Variants in PCDH15 observed in about 807,000 individuals in gnomAD.
PCDH15 encodes the protein protocadherin-15.
PCDH15 carries 129 observed loss-of-function variants against 178.5 expected under a neutral mutation model. The observed-to-expected ratio is 0.72, with a 90% CI of 0.63 to 0.84. The LOEUF is 0.84. Ranked by LOEUF, PCDH15 falls within the 40% of genes least tolerant of loss-of-function variation. The pLI is 0.00. For missense variants in PCDH15, 2,230 were observed against 2,099.9 expected (o/e 1.06, Z -1.21); for synonymous variants, 800 against 732.0 (o/e 1.09, Z -1.50).
chr10:54,141,316 C>T (rs1393491276), intron 14 of PCDH15, among the ~76,000 whole-genome samples: 1 of 151,924 alleles, frequency 6.6e-6, no homozygotes, highest in East Asian at 1.9e-4. Flanking sequence ...TTTTTCTTAC[C>T]TCTGAGTATA....
chr10:55,612,672 A>G (rs2132161286), intron 2 of PCDH15, among the ~76,000 whole-genome samples: 1 of 152,298 alleles, frequency 6.6e-6, no homozygotes, highest in Non-Finnish European at 1.5e-5. Context: ...AAAGTAGCAA[A>G]ACATAAGTAT....
intron 2 of PCDH15, among the ~76,000 whole-genome samples, chr10:55,599,058 C>T (rs1488395005): frequency 6.6e-6 from 1 of 152,092 alleles, no homozygotes; most frequent in Non-Finnish European, 1.5e-5. Flanking sequence ...AGATATAGTA[C>T]CGTAAGGGAA....
intron 1 of PCDH15, among the ~76,000 whole-genome samples, chr10:54,751,287 A>T (rs1287559538): frequency 1.3e-5 from 2 of 152,108 alleles, no homozygotes; most frequent in African/African-American, 2.4e-5. Flanking sequence ...ATTTTGACTG[A>T]CGTATTTCAC....
chr10:55,073,418 A>T (rs1841801963), intron 2 of PCDH15, among the ~76,000 whole-genome samples: 1 of 152,188 alleles, frequency 6.6e-6, no homozygotes, highest in Admixed American at 6.5e-5. Context: ...ATACAAAATC[A>T]ATGTACAAAA....
At chr10:54,439,975 C>A (rs1324685049) in intron 3 of PCDH15, among the ~76,000 whole-genome samples, 2 of 151,956 alleles carry the variant, frequency 1.3e-5, no homozygotes, top group Non-Finnish European at 2.9e-5. Flanking sequence ...TTCCACCTTG[C>A]AACATAAAAC....
intron 3 of PCDH15, among the ~76,000 whole-genome samples, chr10:54,450,467 A>T (rs28531712): frequency 0.013 from 1,937 of 151,688 alleles, 36 homozygotes; most frequent in African/African-American, 0.045. Context: ...ATTTAGCTCA[A>T]CTTTTTATTT....
At chr10:54,747,145 A>G (rs565601382) in intron 1 of PCDH15, among the ~76,000 whole-genome samples, 1 of 152,332 alleles carries the variant, frequency 6.6e-6, no homozygotes, top group South Asian at 2.1e-4. Context: ...GAAATAAAGC[A>G]ATTGTTTAGA....
chr10:53,865,750 A>G (rs60093528), intron 27 of PCDH15, among the ~76,000 whole-genome samples: 119,778 of 151,626 alleles, frequency 0.79, 48,439 homozygotes, highest in East Asian at 1. Context: ...AAGAAAAATA[A>G]AGCATTGATG....
At chr10:54,514,158 CTA>C (rs2137873852) in intron 3 of PCDH15, among the ~76,000 whole-genome samples, 1 of 152,262 alleles carries the variant, frequency 6.6e-6, no homozygotes, top group East Asian at 1.9e-4. Flanking sequence ...AATGTTAGTG[CTA>C]TCTCTGAACA....
At chr10:55,091,862 A>C (rs925498165) in intron 2 of PCDH15, among the ~76,000 whole-genome samples, 2 of 151,926 alleles carry the variant, frequency 1.3e-5, no homozygotes, top group Non-Finnish European at 2.9e-5. Flanking sequence ...CAAACAAAAA[A>C]CATTTATTAG....
intron 2 of PCDH15, among the ~76,000 whole-genome samples, chr10:55,582,393 AT>A (rs1258309539): frequency 1.3e-5 from 2 of 152,022 alleles, no homozygotes; most frequent in African/African-American, 4.8e-5. Flanking sequence ...TTCTTGAGTT[AT>A]AAAAGAAAGG....
At chr10:54,801,254 G>A (rs879410029), upstream of PCDH15, 1 of 152,200 alleles carries the variant, frequency 6.6e-6, no homozygotes, top group African/African-American at 2.4e-5. Flanking sequence ...GCAGGAATCT[G>A]TCTGCCCTCT....
chr10:55,002,099 C>A (rs1839807577), intron 2 of PCDH15, among the ~76,000 whole-genome samples: 1 of 152,062 alleles, frequency 6.6e-6, no homozygotes, highest in South Asian at 2.1e-4. Flanking sequence ...AGTACTGTAC[C>A]TAGAAACTGA....
At chr10:55,098,455 A>G (rs892424004) in intron 2 of PCDH15, among the ~76,000 whole-genome samples, 1 of 152,162 alleles carries the variant, frequency 6.6e-6, no homozygotes, top group African/African-American at 2.4e-5. Context: ...AGCCTGTGAA[A>G]TCCAGCTGCA....
chr10:54,653,392 A>G (rs923598079), intron 2 of PCDH15, among the ~76,000 whole-genome samples: 13 of 152,212 alleles, frequency 8.5e-5, no homozygotes, highest in African/African-American at 3.1e-4. Context: ...CCACAGAGCT[A>G]CAGAGTTTTG....
chr10:54,317,535 G>C, intron 7 of PCDH15, 94 bp from the exon 8 acceptor site: 2 of 1,445,294 alleles, frequency 1.4e-6, no homozygotes, highest in Non-Finnish European at 1.9e-6. Context: ...AGAACTTTGG[G>C]AGGCCAAGGT....
At chr10:55,489,106 T>C (rs766829120) in intron 2 of PCDH15, among the ~76,000 whole-genome samples, 1 of 151,520 alleles carries the variant, frequency 6.6e-6, no homozygotes, top group East Asian at 1.9e-4. Flanking sequence ...AAGAGACATA[T>C]ACAACTTGAA....
chr10:54,436,676 A>G (rs529845665), intron 3 of PCDH15, among the ~76,000 whole-genome samples: 1 of 152,284 alleles, frequency 6.6e-6, no homozygotes, highest in African/African-American at 2.4e-5. Context: ...TACACACCAA[A>G]TATGCTACAA....
intron 17 of PCDH15, among the ~76,000 whole-genome samples, chr10:54,074,124 G>C (rs1043940303): frequency 6.6e-6 from 1 of 152,190 alleles, no homozygotes; most frequent in African/African-American, 2.4e-5. Context: ...AAAATAGCCA[G>C]CAGGCATCCT....
Sources: gnomAD v4.1 joint callset for allele counts (sites outside exome capture counted in the v4.1 genomes callset) on GRCh38, gnomAD v4.1.1 for gene constraint, MANE v1.5 for transcripts, NCBI Gene and HGNC (gene_info 2026-07-23, HGNC 2026-07-21) for gene names.